SMOC2: variants seen among roughly 807,000 people sequenced by gnomAD.
SMOC2 encodes SPARC-related modular calcium-binding protein 2.
SMOC2 carries 39 observed loss-of-function variants against 61.4 expected under a neutral mutation model. The ratio of observed to expected loss-of-function variants is 0.64; its 90% CI spans 0.49 to 0.83. SMOC2 has a LOEUF of 0.83. SMOC2 is among the 40% of genes least tolerant of loss of function. The probability of loss-of-function intolerance (pLI) is 0.00; values close to 1 mark genes in which losing one functional copy is unlikely to be tolerated. For synonymous variants in SMOC2, 247 were observed against 239.9 expected, an observed-to-expected ratio of 1.03 and a Z score of -0.27; for missense variants, 556 against 592.9, an observed-to-expected ratio of 0.94 and a Z score of 0.65.
chr6:168,578,971 C>T (rs1212627653), intron 7 of SMOC2, among the ~76,000 whole-genome samples: 5 of 152,312 alleles, frequency 3.3e-5, no homozygotes, highest in East Asian at 1.9e-4. Flanking sequence ...TTTATCTGCA[C>T]CCTGGAGAAG....
chr6:168,573,615 G>C (rs1221747463), intron 7 of SMOC2, among the ~76,000 whole-genome samples: 1 of 152,148 alleles, frequency 6.6e-6, no homozygotes, highest in Non-Finnish European at 1.5e-5. Flanking sequence ...GCCTGCGACA[G>C]GGCAGAGAGC....
chr6:168,500,878 T>C (rs762763211), intron 1 of SMOC2, among the ~76,000 whole-genome samples: 3 of 152,172 alleles, frequency 2.0e-5, no homozygotes, highest in African/African-American at 4.8e-5. Context: ...AGAAGCACTT[T>C]TGTAGCTAAA....
At chr6:168,624,788 TACAC>T (rs931905520) in intron 9 of SMOC2, among the ~76,000 whole-genome samples, 5 of 102,922 alleles carry the variant, frequency 4.9e-5, no homozygotes, top group East Asian at 2.7e-4. Context: ...ACAATACAGA[TACAC>T]ACAGACACAT....
intron 10 of SMOC2, 84 bp downstream of exon 10, chr6:168,650,867 G>C: frequency 3.2e-6 from 4 of 1,261,642 alleles, no homozygotes; most frequent in Non-Finnish European, 4.4e-6. Flanking sequence ...TTACATATTG[G>C]CAACCTTCTC....
chr6:168,540,773 G>A (rs955379640), intron 4 of SMOC2, among the ~76,000 whole-genome samples: 5 of 152,034 alleles, frequency 3.3e-5, no homozygotes, highest in Non-Finnish European at 5.9e-5. Flanking sequence ...TTTTTCTCTC[G>A]CCTCCCTCAT....
At chr6:168,586,046 G>A (rs529475123) in intron 7 of SMOC2, among the ~76,000 whole-genome samples, 2 of 152,058 alleles carry the variant, frequency 1.3e-5, no homozygotes, top group African/African-American at 2.4e-5. Context: ...TTCTGCATCT[G>A]CCCTAGAGAT....
chr6:168,601,950 G>A (rs1428864229), intron 8 of SMOC2, among the ~76,000 whole-genome samples: 10 of 152,154 alleles, frequency 6.6e-5, no homozygotes, highest in African/African-American at 1.7e-4. Flanking sequence ...GGGCAGCTCC[G>A]TCTTTTTGGA....
intron 9 of SMOC2, among the ~76,000 whole-genome samples, chr6:168,647,963 CT>C (rs903933692): frequency 1.3e-5 from 2 of 151,122 alleles, no homozygotes; most frequent in Non-Finnish European, 2.9e-5. Context: ...ACTCCTGCAG[CT>C]TTTATATTAT....
chr6:168,569,431 A>C (rs575145270), intron 7 of SMOC2, among the ~76,000 whole-genome samples: 1 of 151,682 alleles, frequency 6.6e-6, no homozygotes, highest in East Asian at 1.9e-4. Context: ...TTTGGACATA[A>C]GTTTTTTGTT....
At chr6:168,648,975 G>C (rs1336485488) in intron 9 of SMOC2, among the ~76,000 whole-genome samples, 1 of 152,056 alleles carries the variant, frequency 6.6e-6, no homozygotes, top group Non-Finnish European at 1.5e-5. Flanking sequence ...CTTGACCCAG[G>C]GGTGGTCCAC....
chr6:168,480,174 G>C (rs1043522095), intron 1 of SMOC2, among the ~76,000 whole-genome samples: 4 of 152,122 alleles, frequency 2.6e-5, no homozygotes, highest in Non-Finnish European at 5.9e-5. Context: ...AGTTATCACA[G>C]TATTAAATTC....
At chr6:168,495,820 T>C (rs1156903796) in intron 1 of SMOC2, among the ~76,000 whole-genome samples, 1 of 151,916 alleles carries the variant, frequency 6.6e-6, no homozygotes, top group Non-Finnish European at 1.5e-5. Context: ...ACCTGTGCAG[T>C]TCCCCATGGT....
intron 9 of SMOC2, among the ~76,000 whole-genome samples, chr6:168,615,452 G>T (rs1159810726): frequency 1.9e-4 from 20 of 103,052 alleles, no homozygotes; most frequent in South Asian, 3.7e-4. Context: ...CCTACAGCCA[G>T]CACAGGGCCT....
rs1783939797 is a variant in SMOC2 at position 168,544,176 on chromosome 6, G to A, written c.511+504G>A. 6.6e-6 allele frequency among the ~76,000 whole-genome samples: 1 copy of A among 152,074 alleles called. No homozygotes were observed. The highest frequency in any genetic ancestry group is 1.5e-5 in the Non-Finnish European group (1 of 68,006). On this transcript the variant is annotated intron_variant, in intron 5 of 12. Transcript: ENST00000356284. The surrounding 1 kb of genome is among the most constrained non-coding windows in gnomAD (Gnocchi z 4.1). ...GTCGCAGCCTGCAGGTCCTGTTTCG[G>A]GGTCTGCGGGGTCTGTCACATGCCC...
Position 168,527,874 on chromosome 6 carries a change from A to C in SMOC2, c.463+147A>C, listed in dbSNP as rs943800976. ...AGCCACAGTGGGAATAGATCTCGTC[A>C]CTGACAAAGCCTACATTTTAGGGAG... is the stretch of plus-strand genomic sequence containing the variant. On this transcript the variant is annotated intron_variant, in intron 4 of 12. Coordinates refer to ENST00000356284, the MANE Select transcript of SMOC2 (RefSeq NM_001166412.2). 9 of 643,434 alleles carry C rather than the reference A, an allele frequency of 1.4e-5. No homozygotes were observed. The African/African-American group carries it at 1.6e-4, about 12-fold the overall frequency. 39.9% of individuals were successfully genotyped at this position (643,434 alleles called of 1,614,324 possible). A position where few individuals can be genotyped will look rare whatever the true frequency, so the allele number is the denominator to read the frequency against.
intron 1 of SMOC2, among the ~76,000 whole-genome samples, chr6:168,503,670 C>A (rs1268801501): frequency 1.3e-5 from 2 of 152,150 alleles, no homozygotes; most frequent in Non-Finnish European, 2.9e-5. Context: ...AAATGCAGAA[C>A]CAGCATTAAC....
intron 12 of SMOC2, 184 bp downstream of exon 12, chr6:168,664,295 A>G: frequency 1.5e-6 from 1 of 646,386 alleles, no homozygotes; most frequent in Admixed American, 2.6e-5. Flanking sequence ...GCCGAATTCT[A>G]TCCGAAATCA....
intron 2 of SMOC2, among the ~76,000 whole-genome samples, chr6:168,520,170 A>G (rs55670609): frequency 0.071 from 10,768 of 152,186 alleles, 536 homozygotes; most frequent in East Asian, 0.24. Context: ...ACTTTCATCT[A>G]TATTAGGATA....
rs1033469692 is a variant in SMOC2, at chr6:168,523,087, T to C, written c.257-3259T>C. On this transcript the variant is annotated intron_variant, in intron 2 of 12. Transcript: ENST00000356284. The stretch of plus-strand genomic sequence containing the variant: ...TTTGTAGTTGTACAGTAATTTTTTT[T>C]TTTTTTTTTTTTGAGACGGAGTCTC... Among the ~76,000 whole-genome samples, 84 of 91,460 alleles carry C rather than the reference T, an allele frequency of 9.2e-4. 16 individuals carry two copies. Among genetic ancestry groups the C allele is most frequent in the Non-Finnish European group, 1.3e-3 (44 of 34,034 alleles). The allele number at this position is 91,460 out of a possible 152,430, so 60.0% of individuals were successfully genotyped here. A position where few individuals can be genotyped will look rare whatever the true frequency, so the allele number is the denominator to read the frequency against.
Sources: gnomAD v4.1 joint callset for allele counts (sites outside exome capture counted in the v4.1 genomes callset) on GRCh38, gnomAD v4.1.1 for gene constraint, Gnocchi (gnomAD v3.1) non-coding constraint, MANE v1.5 for transcripts, NCBI Gene and HGNC (gene_info 2026-07-23, HGNC 2026-07-21) for gene names.